Variants in MAPT observed in about 807,000 individuals in gnomAD.
MAPT encodes the protein microtubule-associated protein tau.
MAPT carries 34 observed loss-of-function variants against 67.9 expected under a neutral mutation model. The ratio of observed to expected loss-of-function variants is 0.50; its 90% CI spans 0.38 to 0.67. The LOEUF is 0.67. MAPT is among the 30% of genes least tolerant of loss of function. The pLI, the probability that MAPT is intolerant of heterozygous loss-of-function variation, is 0.00. For synonymous variants in MAPT, 456 were observed against 464.5 expected (o/e 0.98, Z 0.23); for missense variants, 881 against 1,115.2 (o/e 0.79, Z 2.99).
intron 12 of MAPT, among the ~76,000 whole-genome samples, chr17:46,019,039 C>T (rs1242435077): frequency 6.6e-6 from 1 of 152,062 alleles, no homozygotes; most frequent in Non-Finnish European, 1.5e-5. Context: ...CTGTATTAGT[C>T]CATTCTCACA....
At chr17:45,918,670 A>G (rs1054327473) in intron 1 of MAPT, among the ~76,000 whole-genome samples, 4 of 152,210 alleles carry the variant, frequency 2.6e-5, no homozygotes, top group African/African-American at 9.7e-5. Flanking sequence ...GTGGGTTCCA[A>G]GGTTACAAAG....
intron 4 of MAPT, 30 bp downstream of exon 4, chr17:45,978,470 TTGGGGGTTGGGGGGAGGGACA>T: frequency 6.4e-7 from 1 of 1,572,908 alleles, no homozygotes; most frequent in Non-Finnish European, 8.7e-7. Flanking sequence ...CTGCCATGAC[TTGGGGGTTGGGGGGAGGGACA>T]TGGGGTGGGC....
intron 3 of MAPT, chr17:45,976,822 T>C (rs957975798): frequency 6.6e-6 from 1 of 152,242 alleles, no homozygotes; most frequent in African/African-American, 2.4e-5. Context: ...CTCTGCACTG[T>C]GTGTGACAGC....
At chr17:45,920,187 GT>G (rs2065563697) in intron 1 of MAPT, among the ~76,000 whole-genome samples, 1 of 152,138 alleles carries the variant, frequency 6.6e-6, no homozygotes, top group East Asian at 1.9e-4. Context: ...TTTTGTTTGT[GT>G]TTTTCTTTTG....
At chr17:45,978,469 CTTGGGGG>C in intron 4 of MAPT, 29 bp downstream of exon 4, 2 of 1,148,142 alleles carry the variant, frequency 1.7e-6, no homozygotes, top group Non-Finnish European at 2.5e-6. Context: ...CCTGCCATGA[CTTGGGGG>C]TTGGGGGGAG....
At chr17:45,922,228 T>C (rs1349217264) in intron 1 of MAPT, among the ~76,000 whole-genome samples, 1 of 152,112 alleles carries the variant, frequency 6.6e-6, no homozygotes, top group Non-Finnish European at 1.5e-5. Context: ...ATTACAGGCA[T>C]GAGCCACCGC....
intron 1 of MAPT, among the ~76,000 whole-genome samples, chr17:45,927,584 C>T (rs1036411581): frequency 3.3e-5 from 5 of 152,198 alleles, no homozygotes; most frequent in African/African-American, 1.2e-4. Context: ...TCTTTTCCCT[C>T]TCCTGTCTTC....
intron 3 of MAPT, chr17:45,974,092 C>G (rs945611412): frequency 6.1e-6 from 3 of 492,368 alleles, no homozygotes; most frequent in African/African-American, 3.9e-5. Context: ...TTTTAAAATG[C>G]CTGGGGCCAT....
intron 1 of MAPT, chr17:45,898,436 T>C (rs899714059): frequency 6.6e-6 from 1 of 152,178 alleles, no homozygotes; most frequent in African/African-American, 2.4e-5. Context: ...AAAAGTGGCC[T>C]TTCTATTAAA....
chr17:45,989,604 T>C (rs1350486581), intron 6 of MAPT, among the ~76,000 whole-genome samples: 1 of 152,096 alleles, frequency 6.6e-6, no homozygotes, highest in African/African-American at 2.4e-5. Flanking sequence ...TGAGCCGAGA[T>C]TGCACCACTG....
chr17:46,024,267 A>C lies in MAPT; in HGVS notation c.*96A>C. On this transcript the variant is annotated 3_prime_UTR_variant, in exon 13 of 13. Transcript: ENST00000262410. Reference sequence around the variant, plus strand: ...GACCCGGCCCCCGCCCTCTGCCCCCAGCTGCTCCTCGCAGTTCGGTTAATT... The same window carrying C: ...GACCCGGCCCCCGCCCTCTGCCCCCCGCTGCTCCTCGCAGTTCGGTTAATT... The C allele has an allele frequency of 8.9e-7, 1 of 1,122,272 alleles. No individual in the cohort carries two copies. Among genetic ancestry groups the C allele is most frequent in the Non-Finnish European group, 1.3e-6 (1 of 760,674 alleles). 69.5% of individuals were successfully genotyped at this position (1,122,272 alleles called of 1,614,324 possible).
chr17:45,985,271 C>T (rs1037397364), intron 5 of MAPT, among the ~76,000 whole-genome samples: 5 of 152,026 alleles, frequency 3.3e-5, no homozygotes, highest in African/African-American at 1.2e-4. Flanking sequence ...CACCACTGTA[C>T]CCTAAGCCTG....
chr17:46,020,140 T>C (rs1003642067), intron 12 of MAPT, among the ~76,000 whole-genome samples: 1 of 151,888 alleles, frequency 6.6e-6, no homozygotes, highest in African/African-American at 2.4e-5. Context: ...ATAACCTAAT[T>C]TTCTAAATGG....
At chr17:45,912,857 A>C (rs2064895188) in intron 1 of MAPT, among the ~76,000 whole-genome samples, 1 of 152,224 alleles carries the variant, frequency 6.6e-6, no homozygotes, top group South Asian at 2.1e-4. Context: ...TGAAATTTGC[A>C]AGAAAGCTGG....
chr17:46,021,307 G>A (rs1323634920), intron 12 of MAPT, among the ~76,000 whole-genome samples: 1 of 152,234 alleles, frequency 6.6e-6, no homozygotes, highest in Non-Finnish European at 1.5e-5. Flanking sequence ...GAGGGACCAG[G>A]AGGCTGTCCG....
intron 1 of MAPT, among the ~76,000 whole-genome samples, chr17:45,939,033 CA>C (rs1451818714): frequency 1.3e-5 from 2 of 152,104 alleles, no homozygotes; most frequent in Non-Finnish European, 2.9e-5. Flanking sequence ...AGGCTGGTCT[CA>C]AACTCCTGAT....
chr17:45,974,213 C>G, intron 3 of MAPT: 1 of 646,216 alleles, frequency 1.5e-6, no homozygotes, highest in Non-Finnish European at 2.8e-6. Flanking sequence ...CAGTGTGCTT[C>G]CTGGGGAGCT....
chr17:45,937,797 A>G (rs1249156986), intron 1 of MAPT, among the ~76,000 whole-genome samples: 1 of 152,124 alleles, frequency 6.6e-6, no homozygotes, highest in Non-Finnish European at 1.5e-5. Flanking sequence ...CTGCCCCTAA[A>G]TAGAAAGCAC....
Position 45,983,414 on chromosome 17 carries a change from A to C in MAPT, c.835A>C (p.Lys279Gln), listed in dbSNP as rs772557978. 1 of 1,607,798 alleles carries C rather than the reference A, an allele frequency of 6.2e-7. No individual in the cohort carries two copies. The highest frequency in any genetic ancestry group is 8.5e-7 in the Non-Finnish European group (1 of 1,176,634). The change falls in exon 5 of 13, where the codon AAG becomes CAG. Residue 279 changes from lysine (K) to glutamine (Q), a missense_variant. Physicochemically the swap from Lys to Gln is moderately conservative, Grantham distance 53. Around this residue, in one of 6 missense-constraint regions of MAPT, gnomAD observed 687 missense variants for 766.1 expected, o/e 0.90. Coordinates refer to ENST00000262410, the MANE Select transcript of MAPT (RefSeq NM_001377265.1). The part of the protein sequence containing the change: ...GDLHQEGPPL[K>Q]GAGGKERPGS... ...CCTGCACCAGGAGGGGCCGCCGCTG[A>C]AGGGGGCAGGGGGCAAAGAGAGGCC...
Sources: allele counts gnomAD v4.1 joint callset (sites outside exome capture counted in the v4.1 genomes callset), GRCh38; gene constraint gnomAD v4.1.1; regional missense constraint gnomAD v4.1.1; transcripts MANE v1.5; gene names NCBI Gene and HGNC (gene_info 2026-07-23, HGNC 2026-07-21).